Variants in GRB10 observed in about 807,000 individuals in gnomAD.
GRB10 encodes the protein growth factor receptor bound protein 10.
Under a neutral mutation model 80.9 loss-of-function variants are expected in GRB10, and 20 were observed. That is an observed-to-expected ratio of 0.25 (90% CI 0.17 to 0.36). The LOEUF is 0.36. Among genes scored for constraint, GRB10 ranks in the 10% least tolerant of loss-of-function variants. The pLI is 1.00. For missense variants in GRB10, 548 were observed against 747.7 expected (o/e 0.73, Z 3.12); for synonymous variants, 291 against 291.5 (o/e 1.00, Z 0.02).
intron 7 of GRB10, among the ~76,000 whole-genome samples, chr7:50,631,829 G>A (rs1246872989): frequency 1.3e-5 from 2 of 152,216 alleles, no homozygotes; most frequent in African/African-American, 2.4e-5. Flanking sequence ...GACAGGAGGT[G>A]GAGCTATTTC....
intron 2 of GRB10, among the ~76,000 whole-genome samples, chr7:50,775,001 A>C (rs571275716): frequency 9.7e-5 from 14 of 143,692 alleles, no homozygotes; most frequent in Admixed American, 2.1e-4. Context: ...AAAACAAAAC[A>C]AAAAAAAAAA....
At chr7:50,729,656 T>C (rs942215221) in intron 4 of GRB10, among the ~76,000 whole-genome samples, 5 of 152,096 alleles carry the variant, frequency 3.3e-5, no homozygotes, top group Non-Finnish European at 7.3e-5. Context: ...AATGAGGAAA[T>C]TTCTTGCTTC....
intron 3 of GRB10, among the ~76,000 whole-genome samples, chr7:50,741,902 C>T (rs2153696828): frequency 6.6e-6 from 1 of 151,472 alleles, no homozygotes; most frequent in East Asian, 1.9e-4. Context: ...GTCAAAAAAA[C>T]ATACAAAATT....
chr7:50,774,868 C>A (rs1218621063), intron 2 of GRB10, among the ~76,000 whole-genome samples: 1 of 151,856 alleles, frequency 6.6e-6, no homozygotes, highest in Non-Finnish European at 1.5e-5. Flanking sequence ...CTTCAGACTT[C>A]AGCAGTGGCT....
chr7:50,746,404 A>T (rs73113843), intron 3 of GRB10, among the ~76,000 whole-genome samples: 3,609 of 152,286 alleles, frequency 0.024, 67 homozygotes, highest in Non-Finnish European at 0.035. Context: ...TTTGTGTCTT[A>T]TGATGGGTTT....
chr7:50,703,569 A>T (rs904964328), intron 5 of GRB10, among the ~76,000 whole-genome samples: 6 of 151,872 alleles, frequency 4.0e-5, no homozygotes, highest in Non-Finnish European at 8.8e-5. Context: ...TTCGGCTGAA[A>T]CCTAGATAAC....
At chr7:50,676,079 C>T (rs1451641865) in intron 5 of GRB10, among the ~76,000 whole-genome samples, 3 of 152,148 alleles carry the variant, frequency 2.0e-5, no homozygotes, top group African/African-American at 4.8e-5. Flanking sequence ...ATGATGGAAG[C>T]TCACATAATT....
intron 5 of GRB10, among the ~76,000 whole-genome samples, chr7:50,681,116 A>C (rs780075184): frequency 3.3e-5 from 5 of 152,230 alleles, no homozygotes; most frequent in Non-Finnish European, 2.9e-5. Context: ...TTGAGTGTTT[A>C]AGTATCTATG....
chr7:50,771,692 T>G (rs752286719), intron 2 of GRB10, among the ~76,000 whole-genome samples: 6 of 152,168 alleles, frequency 3.9e-5, no homozygotes, highest in Non-Finnish European at 8.8e-5. Flanking sequence ...TTGTTTAAAC[T>G]GGTAGAAGAG....
In GRB10 at chr7:50,720,920, A is replaced by G. The variant is rs116371682; in HGVS notation, c.51+11352T>C. ...TTTCTCTTCTGCAACTGAGTGAGCA[A>G]TCACAGAAGCTGCACGGCACCCAAA... is the stretch of plus-strand genomic sequence containing the variant. On this transcript the variant is annotated intron_variant, in intron 4 of 18. Transcript: ENST00000401949. Among the ~76,000 whole-genome samples, 840 of 152,350 alleles carry G rather than the reference A, an allele frequency of 5.5e-3. 11 individuals carry two copies. Among genetic ancestry groups the G allele is most frequent in the African/African-American group, 0.02 (817 of 41,572 alleles).
chr7:50,595,326 T>C, intron 18 of GRB10, 111 bp downstream of exon 18: 1 of 748,284 alleles, frequency 1.3e-6, no homozygotes, highest in Non-Finnish European at 2.4e-6. Flanking sequence ...AACTGCAGCC[T>C]TGAAACTGTC....
At chr7:50,688,538 G>T (rs1586899763) in intron 5 of GRB10, among the ~76,000 whole-genome samples, 1 of 152,042 alleles carries the variant, frequency 6.6e-6, no homozygotes, top group African/African-American at 2.4e-5. Flanking sequence ...GGCCGGGGAG[G>T]GCAAAAATAA....
chr7:50,779,684 C>G (rs2078081735), intron 2 of GRB10: 1 of 152,212 alleles, frequency 6.6e-6, no homozygotes, highest in Non-Finnish European at 1.5e-5. Flanking sequence ...AACAACTGCT[C>G]AGAATTACAC....
chr7:50,735,802 G>A (rs1325338094), intron 3 of GRB10, among the ~76,000 whole-genome samples: 4 of 151,954 alleles, frequency 2.6e-5, no homozygotes, highest in Non-Finnish European at 4.4e-5. Flanking sequence ...TGAAAAAGAC[G>A]TTTATATAAT....
chr7:50,758,910 C>A (rs2075410909), intron 2 of GRB10, among the ~76,000 whole-genome samples: 1 of 152,202 alleles, frequency 6.6e-6, no homozygotes, highest in Non-Finnish European at 1.5e-5. Context: ...ACAGGCCAGG[C>A]ACAGTGGCTC....
intron 4 of GRB10, among the ~76,000 whole-genome samples, chr7:50,723,910 C>T (rs1448937312): frequency 6.6e-6 from 1 of 152,168 alleles, no homozygotes; most frequent in African/African-American, 2.4e-5. Flanking sequence ...ACAGAGGGAC[C>T]CACAGGCACC....
chr7:50,669,781 C>G lies in GRB10; in HGVS notation c.445G>C (p.Gly149Arg). Residue 149 changes from glycine to arginine, a missense_variant, in exon 7 of 19, where the codon GGG becomes CGG. This residue lies in a region of GRB10 where 245 missense variants were observed against 229.3 expected (regional missense o/e 1.07). Transcript: ENST00000401949. ...CCCGGCGTGAGCACAGGGGGGCTCCCAGGGCCACAGAGTTCAGGAAAAGGA... is the reference window on the plus strand; with the variant it reads ...CCCGGCGTGAGCACAGGGGGGCTCCGAGGGCCACAGAGTTCAGGAAAAGGA... ...PNPFPELCGP[G>R]SPPVLTPGSL... 4 of 1,614,052 alleles carry G rather than the reference C, an allele frequency of 2.5e-6. No homozygotes were observed. The highest frequency in any genetic ancestry group is 2.5e-6 in the Non-Finnish European group (3 of 1,180,000).
At position 50,764,402 on chromosome 7, in the gene GRB10, C is replaced by T. The variant is rs543810290; in HGVS notation, c.-216-8346G>A. On this transcript the variant is annotated intron_variant, in intron 2 of 18. Transcript: ENST00000401949. The stretch of plus-strand genomic sequence containing the variant: ...CCGAGAACTCTATCTGTCCTGACTA[C>T]TGCTGTATCCCATCTCTTAGCACAG... Among the ~76,000 whole-genome samples the T allele has an allele frequency of 2.0e-5, 3 of 152,366 alleles. No homozygotes were observed. The South Asian group carries it at 6.2e-4, about 32-fold the overall frequency.
intron 17 of GRB10, among the ~76,000 whole-genome samples, chr7:50,597,521 G>A (rs1477455714): frequency 6.6e-6 from 1 of 152,372 alleles, no homozygotes; most frequent in East Asian, 1.9e-4. Flanking sequence ...TCTAACTAGA[G>A]GAAAATGTGG....
Sources: allele counts gnomAD v4.1 joint callset (sites outside exome capture counted in the v4.1 genomes callset), GRCh38; gene constraint gnomAD v4.1.1; regional missense constraint gnomAD v4.1.1; transcripts MANE v1.5; gene names NCBI Gene and HGNC (gene_info 2026-07-23, HGNC 2026-07-21).